Variants in WASL observed in about 807,000 individuals in gnomAD.
WASL encodes the protein WASP like actin nucleation promoting factor, also known as actin nucleation-promoting factor WASL.
A neutral mutation model predicts 55.5 loss-of-function variants in WASL; 20 were observed. That is an observed-to-expected ratio of 0.36 (90% CI 0.25 to 0.52). The LOEUF (loss-of-function observed/expected upper bound fraction) is 0.52. WASL is among the 20% of genes least tolerant of loss of function. The pLI is 0.92. For missense variants in WASL, 504 were observed against 622.5 expected (o/e 0.81, Z 2.03); for synonymous variants, 249 against 217.6 (o/e 1.14, Z -1.27).
At chr7:123,727,839 A>G (rs1347378233) in intron 1 of WASL, among the ~76,000 whole-genome samples, 3 of 152,194 alleles carry the variant, frequency 2.0e-5, no homozygotes, top group Non-Finnish European at 2.9e-5. Context: ...TTCTTAAGTG[A>G]AAAAAAGAAT....
At chr7:123,701,710 T>TGGTGCA (rs1455283379) in intron 5 of WASL, among the ~76,000 whole-genome samples, 1 of 152,164 alleles carries the variant, frequency 6.6e-6, no homozygotes, top group Admixed American at 6.6e-5. Context: ...CACCTAGTGG[T>TGGTGCA]GGTGCACCAA....
At chr7:123,742,295 G>C (rs1804356484) in intron 1 of WASL, among the ~76,000 whole-genome samples, 1 of 152,120 alleles carries the variant, frequency 6.6e-6, no homozygotes, top group South Asian at 2.1e-4. Context: ...AGTGTCTCTT[G>C]GTATGCTGTT....
chr7:123,709,258 A>C (rs757516524), intron 1 of WASL, 35 bp from the exon 2 acceptor site: 3 of 1,584,230 alleles, frequency 1.9e-6, no homozygotes, highest in Non-Finnish European at 2.6e-6. Flanking sequence ...ATTAGGTTCA[A>C]AATAATATGT....
chr7:123,705,219 A>T (rs765464295), intron 4 of WASL, among the ~76,000 whole-genome samples: 2 of 152,168 alleles, frequency 1.3e-5, no homozygotes, highest in Admixed American at 1.3e-4. Flanking sequence ...CAGACAGGAC[A>T]TGTTTTTGAA....
In WASL at chr7:123,684,391, C is replaced by CA. The variant is rs1172103701; in HGVS notation, c.*127dup. ...AGGTATTGCACAGATTAAAAAAAAG[C>CA]AAAAAAGGCAACAAAAATATACAGC... On this transcript the variant is annotated 3_prime_UTR_variant, in exon 11 of 11. Transcript: ENST00000223023. 14 of 367,334 alleles carry CA rather than the reference C, an allele frequency of 3.8e-5. No homozygotes were observed. The highest frequency in any genetic ancestry group is 3.0e-5 in the Non-Finnish European group (6 of 199,686). 22.8% of individuals were successfully genotyped at this position (367,334 alleles called of 1,614,324 possible).
At chr7:123,686,858 T>C (rs1803300288) in intron 10 of WASL, among the ~76,000 whole-genome samples, 1 of 152,168 alleles carries the variant, frequency 6.6e-6, no homozygotes, top group African/African-American at 2.4e-5. Context: ...GTTTTTATGC[T>C]AAAGAAGACT....
At chr7:123,709,902 A>T (rs1266672678) in intron 1 of WASL, among the ~76,000 whole-genome samples, 1 of 152,152 alleles carries the variant, frequency 6.6e-6, no homozygotes, top group Non-Finnish European at 1.5e-5. Context: ...GATATGAAAA[A>T]GATTTGAGTG....
chr7:123,687,217 T>C (rs1482658269), intron 10 of WASL, among the ~76,000 whole-genome samples: 1 of 152,126 alleles, frequency 6.6e-6, no homozygotes, highest in African/African-American at 2.4e-5. Flanking sequence ...CACTTCTCAT[T>C]GGTGCTATAA....
At position 123,683,685 on chromosome 7, in the gene WASL, T is replaced by C. The variant is rs1324571618; in HGVS notation, c.*834A>G. On this transcript the variant is annotated 3_prime_UTR_variant, in exon 11 of 11. Transcript: ENST00000223023. ...ACCAAATATTGGAGTTACCATAATA[T>C]TACCTCAGTTCATGTAGAATGAAAA... 6.6e-6 allele frequency: 1 copy of C among 152,012 alleles called. No homozygotes were observed. The highest frequency in any genetic ancestry group is 6.6e-5 in the Admixed American group (1 of 15,242). 9.4% of individuals were successfully genotyped at this position (152,012 alleles called of 1,614,324 possible).
At chr7:123,697,772 A>G (rs560486721) in intron 5 of WASL, among the ~76,000 whole-genome samples, 1 of 152,362 alleles carries the variant, frequency 6.6e-6, no homozygotes, top group South Asian at 2.1e-4. Context: ...TTGGATTTCA[A>G]GAGGGTTCCC....
At chr7:123,716,010 G>A (rs530572157) in intron 1 of WASL, among the ~76,000 whole-genome samples, 71 of 152,214 alleles carry the variant, frequency 4.7e-4, no homozygotes, top group African/African-American at 1.7e-3. Flanking sequence ...CATAGGTGCG[G>A]CTGGTTCTCT....
chr7:123,734,986 A>T (rs534954814), intron 1 of WASL, among the ~76,000 whole-genome samples: 4 of 152,218 alleles, frequency 2.6e-5, no homozygotes, highest in African/African-American at 9.6e-5. Context: ...CATTTTTTAA[A>T]AAAATGCATG....
At chr7:123,729,667 G>A (rs911058954) in intron 1 of WASL, among the ~76,000 whole-genome samples, 1 of 152,076 alleles carries the variant, frequency 6.6e-6, no homozygotes, top group Non-Finnish European at 1.5e-5. Context: ...CTACAGATAC[G>A]TATGTGGGTG....
At chr7:123,727,149 A>C (rs1339060201) in intron 1 of WASL, among the ~76,000 whole-genome samples, 1 of 152,176 alleles carries the variant, frequency 6.6e-6, no homozygotes, top group Non-Finnish European at 1.5e-5. Flanking sequence ...CATATCCACC[A>C]AAATGACCAA....
At chr7:123,696,898 C>T in intron 5 of WASL, 151 bp from the exon 6 acceptor site, 1 of 589,244 alleles carries the variant, frequency 1.7e-6, no homozygotes, top group African/African-American at 1.9e-5. Flanking sequence ...TCATAAAGTG[C>T]TGCCTAAATT....
At chr7:123,736,799 C>A (rs1804240423) in intron 1 of WASL, among the ~76,000 whole-genome samples, 1 of 152,108 alleles carries the variant, frequency 6.6e-6, no homozygotes, top group African/African-American at 2.4e-5. Flanking sequence ...TGTCAATCTT[C>A]CAAAATTAAT....
intron 1 of WASL, among the ~76,000 whole-genome samples, chr7:123,735,685 T>C (rs1388407203): frequency 1.3e-5 from 2 of 152,098 alleles, no homozygotes; most frequent in African/African-American, 2.4e-5. Flanking sequence ...TTAGATATTG[T>C]AGACAAAATA....
At chr7:123,690,037 T>C (rs1197391311) in intron 9 of WASL, among the ~76,000 whole-genome samples, 1 of 152,190 alleles carries the variant, frequency 6.6e-6, no homozygotes, top group African/African-American at 2.4e-5. Context: ...CCTTAGTATT[T>C]TGGCTTTAAA....
intron 1 of WASL, among the ~76,000 whole-genome samples, chr7:123,731,560 A>C (rs537640295): frequency 1.3e-5 from 2 of 152,228 alleles, no homozygotes; most frequent in African/African-American, 4.8e-5. Context: ...TTTGGGCCAT[A>C]AAACACACCT....
Sources: allele counts gnomAD v4.1 joint callset (sites outside exome capture counted in the v4.1 genomes callset), GRCh38; gene constraint gnomAD v4.1.1; transcripts MANE v1.5; gene names NCBI Gene and HGNC (gene_info 2026-07-23, HGNC 2026-07-21).